FAT4: variants seen among roughly 807,000 people sequenced by gnomAD.
The protein encoded by FAT4 is FAT atypical cadherin 4.
Under a neutral mutation model 303.9 loss-of-function variants are expected in FAT4, and 84 were observed. The ratio of observed to expected loss-of-function variants is 0.28; its 90% CI spans 0.23 to 0.33. The LOEUF (loss-of-function observed/expected upper bound fraction) is 0.33, where lower values mean the gene tolerates loss of function less well. FAT4 is among the 10% of genes least tolerant of loss of function. The pLI is 1.00. For synonymous variants in FAT4, 2,307 were observed against 2,298.8 expected (o/e 1.00, Z -0.10); for missense variants, 6,005 against 6,146.8 (o/e 0.98, Z 0.77).
At chr4:125,332,609 CT>C (rs1174243067) in intron 2 of FAT4, among the ~76,000 whole-genome samples, 1 of 151,994 alleles carries the variant, frequency 6.6e-6, no homozygotes, top group Non-Finnish European at 1.5e-5. Flanking sequence ...ATATTCATCT[CT>C]CAATTTTTAG....
Position 125,481,785 on chromosome 4 carries a change from G to A in FAT4, c.12822+47G>A, listed in dbSNP as rs192343333. The A allele has an allele frequency of 4.6e-4, 701 of 1,525,690 alleles. 2 individuals are homozygous for A. The African/African-American group carries it at 4.7e-3, about 10-fold the overall frequency. The allele number at this position is 1,525,690 out of a possible 1,614,324, so 94.5% of individuals were successfully genotyped here. ...ACTTCATTTGATTAGACCGCCTGCCGTGTAGTGGTTTAAATCACTTCCCCC... is the reference window on the plus strand; with the variant it reads ...ACTTCATTTGATTAGACCGCCTGCCATGTAGTGGTTTAAATCACTTCCCCC... On this transcript the variant is annotated intron_variant, in intron 16 of 17. Transcript: ENST00000394329.
Position 125,451,165 on chromosome 4 carries a change from T to A in FAT4, c.10155T>A (p.Gly3385=), listed in dbSNP as rs780130895. The change falls in exon 10 of 18, where the codon GGT becomes GGA. Residue 3385 remains glycine (G), a synonymous_variant. Transcript: ENST00000394329. ...VLAKNFGSIR[G]ADIDEVTVNV... is the part of the protein sequence containing the mutation. Reference sequence around the variant, plus strand: ...CCAAGAACTTTGGCAGCATTAGAGGTGCAGATATAGATGAGGTCACTGTAA... The same window carrying A: ...CCAAGAACTTTGGCAGCATTAGAGGAGCAGATATAGATGAGGTCACTGTAA... The A allele has an allele frequency of 1.2e-6, 2 of 1,614,068 alleles. No homozygotes were observed. The highest frequency in any genetic ancestry group is 1.7e-6 in the Non-Finnish European group (2 of 1,179,994).
chr4:125,485,166 T>A (rs1264495173), intron 16 of FAT4, among the ~76,000 whole-genome samples: 1 of 152,170 alleles, frequency 6.6e-6, no homozygotes, highest in Non-Finnish European at 1.5e-5. Flanking sequence ...GACATTATTA[T>A]ACACTTCTGC....
At chr4:125,348,077 C>T (rs1732073526) in intron 2 of FAT4, among the ~76,000 whole-genome samples, 1 of 151,776 alleles carries the variant, frequency 6.6e-6, no homozygotes, top group African/African-American at 2.4e-5. Flanking sequence ...CCTGAACTAG[C>T]TCATGATGCT....
rs774888493 is a variant in FAT4 at position 125,434,447 on chromosome 4, A to T, written c.7199+22A>T. 7 of 1,609,706 alleles carry T rather than the reference A, an allele frequency of 4.3e-6. No individual in the cohort carries two copies. The Admixed American group carries it at 5.1e-5, about 12-fold the overall frequency. ...TAAGGTCAGTACATTTTCCTTTGTA[A>T]AGTTTGTCTGTTTTCTCATTAAACA... On this transcript the variant is annotated intron_variant, in intron 8 of 17. Coordinates refer to ENST00000394329, the MANE Select transcript of FAT4 (RefSeq NM_001291303.3).
At chr4:125,409,150 A>C (rs1006762598) in intron 5 of FAT4, among the ~76,000 whole-genome samples, 1 of 152,180 alleles carries the variant, frequency 6.6e-6, no homozygotes, top group Admixed American at 6.6e-5. Flanking sequence ...TGTTATTTTA[A>C]CTTGAAAAGG....
chr4:125,405,666 T>G (rs1305369257), intron 3 of FAT4, among the ~76,000 whole-genome samples: 1 of 151,672 alleles, frequency 6.6e-6, no homozygotes, highest in Non-Finnish European at 1.5e-5. Flanking sequence ...TACTGGCTAA[T>G]GTTTTGAATT....
chr4:125,439,780 C>T (rs1432147762), intron 8 of FAT4, among the ~76,000 whole-genome samples: 3 of 152,162 alleles, frequency 2.0e-5, no homozygotes, highest in African/African-American at 7.2e-5. Flanking sequence ...TATAAATGCT[C>T]ATTTACATAA....
intron 11 of FAT4, among the ~76,000 whole-genome samples, chr4:125,467,607 C>A (rs558440641): frequency 3.9e-5 from 6 of 152,250 alleles, no homozygotes; most frequent in Non-Finnish European, 5.9e-5. Context: ...TTTAAAGTAG[C>A]CTGCTATAAA....
chr4:125,423,953 C>T (rs1439693298), intron 7 of FAT4, among the ~76,000 whole-genome samples: 1 of 152,214 alleles, frequency 6.6e-6, no homozygotes, highest in Non-Finnish European at 1.5e-5. Context: ...GTGTATTTAC[C>T]TAATGCCTGT....
Position 125,449,967 on chromosome 4 carries a change from T to G in FAT4, c.8957T>G (p.Leu2986Arg). The change falls in exon 10 of 18, where the codon CTT (leucine) becomes CGT (arginine). Residue 2986 changes from leucine to arginine, a missense_variant. By Grantham distance (102) the Leu-to-Arg change is moderately radical. Coordinates refer to ENST00000394329, the MANE Select transcript of FAT4 (RefSeq NM_001291303.3). ...AGTAATGACAATGCACCTCAATTTC[T>G]TAAAAGTAAATATTTCACTCCAGTC... ...VDSNDNAPQF[L>R]KSKYFTPVTK... is the part of the protein sequence containing the mutation. The G allele has an allele frequency of 6.2e-7, 1 of 1,613,836 alleles. No homozygotes were observed. The highest frequency in any genetic ancestry group is 8.5e-7 in the Non-Finnish European group (1 of 1,179,896).
At position 125,490,825 on chromosome 4, in the gene FAT4, G is replaced by A. The variant is rs1361847990; in HGVS notation, c.14009G>A (p.Gly4670Glu). 6.2e-7 allele frequency: 1 copy of A among 1,614,102 alleles called. No homozygotes were observed. ...GCAAGGCAATCCCCCATGCCCTTAG[G>A]AGCAAGCAGTTTGACTTACCAGCCT... ...GFARQSPMPL[G>E]ASSLTYQPSY... Residue 4670 changes from glycine to glutamate, a missense_variant, in exon 18 of 18, where the codon GGA (glycine) becomes GAA (glutamate). Coordinates refer to ENST00000394329, the MANE Select transcript of FAT4 (RefSeq NM_001291303.3).
chr4:125,456,303 A>G lies in FAT4; in HGVS notation c.11800+3493A>G, dbSNP rs112324043. Among the ~76,000 whole-genome samples the G allele has an allele frequency of 7.3e-4, 111 of 152,256 alleles. 1 individual carries two copies. Among genetic ancestry groups the G allele is most frequent in the African/African-American group, 2.5e-3 (105 of 41,558 alleles). On this transcript the variant is annotated intron_variant, in intron 10 of 17. Coordinates refer to ENST00000394329, the MANE Select transcript of FAT4 (RefSeq NM_001291303.3). Reference sequence around the variant, plus strand: ...GGCCAGAGCTGCCAAAGTCTATATCATAAACTCTTTCTAGGGAAGGTTGTT... The same window carrying G: ...GGCCAGAGCTGCCAAAGTCTATATCGTAAACTCTTTCTAGGGAAGGTTGTT...
In FAT4 at chr4:125,492,079, AC is replaced by A; in HGVS notation, c.*313del. On this transcript the variant is annotated 3_prime_UTR_variant, in exon 18 of 18. Transcript: ENST00000394329. Reference sequence around the variant, plus strand: ...GTGATTTTTAAAAATTGATACCTTTACCATTGCAGAAAAGAACTTGTGCTTT... The same window carrying A: ...GTGATTTTTAAAAATTGATACCTTTACATTGCAGAAAAGAACTTGTGCTTT... The A allele has an allele frequency of 3.6e-6, 1 of 277,128 alleles. No homozygotes were observed. Among genetic ancestry groups the A allele is most frequent in the South Asian group, 6.7e-5 (1 of 14,960 alleles). 17.2% of individuals were successfully genotyped at this position (277,128 alleles called of 1,614,324 possible).
chr4:125,470,192 A>C (rs1021752784), intron 12 of FAT4, among the ~76,000 whole-genome samples: 2 of 152,232 alleles, frequency 1.3e-5, no homozygotes, highest in African/African-American at 4.8e-5. Flanking sequence ...AATATTCAAT[A>C]AACCATGCTG....
At chr4:125,347,622 T>G (rs2125974793) in intron 2 of FAT4, among the ~76,000 whole-genome samples, 1 of 151,784 alleles carries the variant, frequency 6.6e-6, no homozygotes, top group African/African-American at 2.4e-5. Context: ...TAAAAATTAC[T>G]AATAAATTAC....
chr4:125,320,765 A>G lies in FAT4; in HGVS notation c.4354A>G (p.Asn1452Asp), dbSNP rs1459896260. 3 of 1,614,152 alleles carry G rather than the reference A, an allele frequency of 1.9e-6. No individual in the cohort carries two copies. The highest frequency in any genetic ancestry group is 3.3e-4 in the Middle Eastern group (2 of 6,062). ...VTAHDPDADI[N>D]GQLSYTIIQQ... The stretch of plus-strand genomic sequence containing the variant: ...TGCACATGACCCTGATGCAGACATT[A>G]ATGGTCAACTATCCTACACAATCAT... The change falls in exon 2 of 18, where the codon AAT (asparagine) becomes GAT (aspartate). Residue 1452 changes from asparagine (N) to aspartate (D), a missense_variant. Transcript: ENST00000394329.
At chr4:125,395,030 A>G (rs1734112397) in intron 2 of FAT4, among the ~76,000 whole-genome samples, 1 of 152,226 alleles carries the variant, frequency 6.6e-6, no homozygotes, top group Admixed American at 6.5e-5. Flanking sequence ...ACCACATCAC[A>G]TGTAAATGGG....
chr4:125,471,336 T>C (rs951147279), intron 12 of FAT4, among the ~76,000 whole-genome samples: 4 of 152,214 alleles, frequency 2.6e-5, no homozygotes, highest in East Asian at 1.9e-4. Context: ...ATGGTGCTGA[T>C]AGACTTGCTG....
Sources: allele counts gnomAD v4.1 joint callset (sites outside exome capture counted in the v4.1 genomes callset), GRCh38; gene constraint gnomAD v4.1.1; transcripts MANE v1.5; gene names NCBI Gene and HGNC (gene_info 2026-07-23, HGNC 2026-07-21).